Variants in DUSP14 observed in about 807,000 individuals in gnomAD.
DUSP14 encodes dual specificity phosphatase 14.
Under a neutral mutation model 13.2 loss-of-function variants are expected in DUSP14, and 5 were observed. That is an observed-to-expected ratio of 0.38 (90% CI 0.20 to 0.80). DUSP14 has a LOEUF of 0.80. DUSP14 is among the 30% of genes least tolerant of loss of function. The probability of loss-of-function intolerance (pLI) is 0.44; values close to 1 mark genes in which losing one functional copy is unlikely to be tolerated. For missense variants in DUSP14, 185 were observed against 264.0 expected, an observed-to-expected ratio of 0.70 and a Z score of 2.07; for synonymous variants, 91 against 103.4, an observed-to-expected ratio of 0.88 and a Z score of 0.73.
intron 1 of DUSP14, among the ~76,000 whole-genome samples, chr17:37,498,490 C>T (rs2054081977): frequency 6.6e-6 from 1 of 151,892 alleles, no homozygotes; most frequent in Non-Finnish European, 1.5e-5. Flanking sequence ...CCACACCTGG[C>T]TAATTTTTTG....
intron 1 of DUSP14, among the ~76,000 whole-genome samples, chr17:37,509,290 TA>T (rs2054166502): frequency 4.0e-5 from 1 of 25,174 alleles, no homozygotes; most frequent in Non-Finnish European, 7.5e-5. Context: ...TATATATATA[TA>T]TATATAGTGT....
intron 1 of DUSP14, chr17:37,510,251 T>G (rs1222910362): frequency 6.6e-6 from 1 of 152,394 alleles, no homozygotes; most frequent in Non-Finnish European, 1.5e-5. Context: ...TTGCTGCACC[T>G]GGCCTGTCCG....
Position 37,513,239 on chromosome 17 carries a change from C to T in DUSP14, c.*370C>T, listed in dbSNP as rs971067060. 4.5e-6 allele frequency: 1 copy of T among 223,170 alleles called. No individual in the cohort carries two copies. Among genetic ancestry groups the T allele is most frequent in the South Asian group, 1.4e-4 (1 of 6,928 alleles). 13.8% of individuals were successfully genotyped at this position (223,170 alleles called of 1,614,324 possible). On this transcript the variant is annotated 3_prime_UTR_variant, in exon 3 of 3. Coordinates refer to ENST00000617516, the MANE Select transcript of DUSP14 (RefSeq NM_007026.4). ...AAATCACTTTGGGGCCTCATTAACC[C>T]TTTAGAGACAAGCTTTGCCCCAGGC...
chr17:37,509,263 A>AG (rs1391586216), intron 1 of DUSP14, among the ~76,000 whole-genome samples: 1,505 of 33,110 alleles, frequency 0.045, 112 homozygotes, highest in East Asian at 0.067. Context: ...ATATATATAT[A>AG]TATATATATA....
intron 1 of DUSP14, among the ~76,000 whole-genome samples, chr17:37,496,767 T>A (rs949015553): frequency 4.6e-5 from 7 of 151,624 alleles, no homozygotes; most frequent in Non-Finnish European, 1.0e-4. Flanking sequence ...AAACAAAAAA[T>A]TAGCCGGGTG....
Position 37,513,129 on chromosome 17 carries a change from T to A in DUSP14, c.*260T>A, listed in dbSNP as rs1224461796. 1 of 514,574 alleles carries A rather than the reference T, an allele frequency of 1.9e-6. No homozygotes were observed. The highest frequency in any genetic ancestry group is 3.2e-5 in the East Asian group (1 of 31,354). The allele number at this position is 514,574 out of a possible 1,614,324, so 31.9% of individuals were successfully genotyped here. A position where few individuals can be genotyped will look rare whatever the true frequency, so the allele number is the denominator to read the frequency against. ...TTAGCTTTTAATCATTTTTACCAAT[T>A]TGAACAGTTTAATAAACTGGTTCTG... On this transcript the variant is annotated 3_prime_UTR_variant, in exon 3 of 3. Coordinates refer to ENST00000617516, the MANE Select transcript of DUSP14 (RefSeq NM_007026.4).
intron 1 of DUSP14, among the ~76,000 whole-genome samples, chr17:37,509,541 C>T (rs532769612): frequency 7.1e-4 from 108 of 151,758 alleles, no homozygotes; most frequent in Middle Eastern, 6.8e-3. Flanking sequence ...AGGCTGGTCT[C>T]GAACTCCTGG....
chr17:37,490,199 G>T lies in DUSP14; in HGVS notation c.-181+241G>T, dbSNP rs2054017812. Among the ~76,000 whole-genome samples the T allele has an allele frequency of 4.0e-5, 6 of 149,948 alleles. No individual in the cohort carries two copies. In the South Asian group the frequency reaches 1.3e-3, roughly 32 times the overall value. ...CAGCGCACCCTCGCCGGCCCTGAGC[G>T]TGCGCCCCCTGCCGCTCCCCCGCCG... On this transcript the variant is annotated intron_variant, in intron 1 of 2. Coordinates refer to ENST00000617516, the MANE Select transcript of DUSP14 (RefSeq NM_007026.4).
chr17:37,505,297 G>T (rs1178231799), intron 1 of DUSP14, among the ~76,000 whole-genome samples: 1 of 152,218 alleles, frequency 6.6e-6, no homozygotes, highest in Non-Finnish European at 1.5e-5. Context: ...GAGCCTGGGA[G>T]ATCAAGGCTA....
chr17:37,506,072 G>C (rs918054911), intron 1 of DUSP14, among the ~76,000 whole-genome samples: 2 of 152,062 alleles, frequency 1.3e-5, no homozygotes, highest in Non-Finnish European at 2.9e-5. Flanking sequence ...AGACCAGTCT[G>C]AGCAACATGG....
intron 1 of DUSP14, among the ~76,000 whole-genome samples, chr17:37,501,085 G>C (rs1380229265): frequency 4.6e-5 from 7 of 152,176 alleles, no homozygotes; most frequent in African/African-American, 7.2e-5. Flanking sequence ...TCAATGTAGA[G>C]TCTGGGAAAG....
At chr17:37,493,869 TG>T (rs1394337691) in intron 1 of DUSP14, among the ~76,000 whole-genome samples, 1 of 152,120 alleles carries the variant, frequency 6.6e-6, no homozygotes, top group Non-Finnish European at 1.5e-5. Context: ...GGCCTATCCT[TG>T]TTAAAGTACC....
At chr17:37,496,506 A>G (rs1306143715) in intron 1 of DUSP14, among the ~76,000 whole-genome samples, 1 of 152,140 alleles carries the variant, frequency 6.6e-6, no homozygotes, top group Admixed American at 6.6e-5. Flanking sequence ...CTGTAATCCC[A>G]GCACTTTGGG....
intron 2 of DUSP14, among the ~76,000 whole-genome samples, chr17:37,511,585 CTTT>C (rs533256343): frequency 0.021 from 1,818 of 87,304 alleles, 35 homozygotes; most frequent in African/African-American, 0.04. Context: ...CTGGCCTTTC[CTTT>C]TTTTTTTTTT....
chr17:37,503,046 C>G (rs1568202253), intron 1 of DUSP14, among the ~76,000 whole-genome samples: 1 of 152,182 alleles, frequency 6.6e-6, no homozygotes, highest in Admixed American at 6.5e-5. Context: ...TTAGTGTATT[C>G]TTTTGGTTGA....
At chr17:37,510,440 T>C (rs1422217133) in intron 1 of DUSP14, 1 of 152,198 alleles carries the variant, frequency 6.6e-6, no homozygotes, top group African/African-American at 2.4e-5. Flanking sequence ...GATTTGTCTG[T>C]GTTATTGTCA....
At chr17:37,511,477 C>T (rs529583021) in intron 2 of DUSP14, among the ~76,000 whole-genome samples, 1 of 151,746 alleles carries the variant, frequency 6.6e-6, no homozygotes, top group East Asian at 1.9e-4. Context: ...GACAGGGTTT[C>T]CCAATGTTGG....
chr17:37,490,174 C>T (rs991631237), intron 1 of DUSP14, among the ~76,000 whole-genome samples: 10 of 150,952 alleles, frequency 6.6e-5, no homozygotes, highest in African/African-American at 2.4e-4. Flanking sequence ...AGACCTTCCG[C>T]AGCGCACCCT....
chr17:37,500,979 T>C (rs761440482), intron 1 of DUSP14, among the ~76,000 whole-genome samples: 2 of 152,140 alleles, frequency 1.3e-5, no homozygotes, highest in Non-Finnish European at 2.9e-5. Flanking sequence ...TGGTAGACTT[T>C]GAATGGATGG....
Sources: allele counts gnomAD v4.1 joint callset (sites outside exome capture counted in the v4.1 genomes callset), GRCh38; gene constraint gnomAD v4.1.1; transcripts MANE v1.5; gene names NCBI Gene and HGNC (gene_info 2026-07-23, HGNC 2026-07-21).